PIP4K2A: variants seen among roughly 807,000 people sequenced by gnomAD.
PIP4K2A encodes phosphatidylinositol-5-phosphate 4-kinase type 2 alpha, also known as phosphatidylinositol 5-phosphate 4-kinase type-2 alpha.
Under a neutral mutation model 42.9 loss-of-function variants are expected in PIP4K2A, and 14 were observed. The ratio of observed to expected loss-of-function variants is 0.33; its 90% CI spans 0.22 to 0.51. The LOEUF (loss-of-function observed/expected upper bound fraction) is 0.51. PIP4K2A is among the 20% of genes least tolerant of loss of function. The pLI is 0.97. For missense variants in PIP4K2A, 434 were observed against 519.8 expected (o/e 0.83, Z 1.61); for synonymous variants, 192 against 192.2 (o/e 1.00, Z 0.01).
Position 22,540,620 on chromosome 10 carries a change from C to T in PIP4K2A, c.1037-546G>A, listed in dbSNP as rs145873661. Among the ~76,000 whole-genome samples, 664 of 152,196 alleles carry T rather than the reference C, an allele frequency of 4.4e-3. 13 individuals are homozygous for T. The East Asian group carries it at 0.058, about 13-fold the overall frequency. On this transcript the variant is annotated intron_variant, in intron 8 of 9. Transcript: ENST00000376573. ...TTGCCCAGGCTGGAGTGCAATGGTG[C>T]GATCTTGGCTCACAGCAACCTCCAC...
intron 1 of PIP4K2A, among the ~76,000 whole-genome samples, 188 bp from the exon 2 acceptor site, chr10:22,609,905 C>T (rs933155282): frequency 3.3e-5 from 5 of 152,056 alleles, no homozygotes; most frequent in Admixed American, 3.3e-4. Context: ...CTTCTTATGT[C>T]TGTCTGATGC....
intron 1 of PIP4K2A, among the ~76,000 whole-genome samples, chr10:22,622,203 G>A (rs776422336): frequency 6.6e-6 from 1 of 152,206 alleles, no homozygotes; most frequent in Non-Finnish European, 1.5e-5. Flanking sequence ...TTAGCAGACA[G>A]AAGAGGAGAC....
chr10:22,562,896 C>T (rs553300429), intron 6 of PIP4K2A, among the ~76,000 whole-genome samples: 8 of 152,196 alleles, frequency 5.3e-5, no homozygotes, highest in Non-Finnish European at 1.0e-4. Context: ...TGCCTCCTCT[C>T]TCTCTAGTCT....
At chr10:22,656,889 T>A (rs770861850) in intron 1 of PIP4K2A, among the ~76,000 whole-genome samples, 1 of 152,124 alleles carries the variant, frequency 6.6e-6, no homozygotes, top group Non-Finnish European at 1.5e-5. Context: ...ATTTTTTTTA[T>A]ACTTGAAGTT....
chr10:22,657,604 A>C (rs1396693091), intron 1 of PIP4K2A, among the ~76,000 whole-genome samples: 1 of 152,244 alleles, frequency 6.6e-6, no homozygotes, highest in Non-Finnish European at 1.5e-5. Context: ...ACCAATTTAG[A>C]TTCTACAATG....
intron 1 of PIP4K2A, among the ~76,000 whole-genome samples, chr10:22,631,517 G>C (rs1838547618): frequency 6.6e-6 from 1 of 152,102 alleles, no homozygotes; most frequent in Admixed American, 6.6e-5. Context: ...GAACTTTCCA[G>C]CTTCCAGAAC....
At position 22,536,395 on chromosome 10, in the gene PIP4K2A, T is replaced by C. The variant is rs2130727758; in HGVS notation, c.*806A>G. On this transcript the variant is annotated 3_prime_UTR_variant, in exon 10 of 10. Coordinates refer to ENST00000376573, the MANE Select transcript of PIP4K2A (RefSeq NM_005028.5). ...AGAAAAGAGAAGTAAGCAGTTTTCC[T>C]GGACATATTGGCCGAGGTGAAAAAT... 3.1e-6 allele frequency: 1 copy of C among 321,164 alleles called. No homozygotes were observed. Among genetic ancestry groups the C allele is most frequent in the Non-Finnish European group, 5.6e-6 (1 of 177,256 alleles). 19.9% of individuals were successfully genotyped at this position (321,164 alleles called of 1,614,324 possible).
intron 5 of PIP4K2A, among the ~76,000 whole-genome samples, chr10:22,571,788 A>C (rs1836993938): frequency 6.6e-6 from 1 of 152,230 alleles, no homozygotes; most frequent in South Asian, 2.1e-4. Context: ...TTATTGTGTG[A>C]GTTCAGATTT....
rs557466526 is a variant in PIP4K2A, at chr10:22,674,673, G to C, written c.144+39510C>G. ...TAAGAAATTTCCAGCCAGGCACAGT[G>C]ATTCATGCCTGTAATCCCAGCACTT... On this transcript the variant is annotated intron_variant, in intron 1 of 9. Coordinates refer to ENST00000376573, the MANE Select transcript of PIP4K2A (RefSeq NM_005028.5). Among the ~76,000 whole-genome samples, 5 of 152,160 alleles carry C rather than the reference G, an allele frequency of 3.3e-5. No homozygotes were observed. The South Asian group carries it at 1.0e-3, about 32-fold the overall frequency.
chr10:22,580,245 AT>A (rs199848882), intron 4 of PIP4K2A, among the ~76,000 whole-genome samples: 1,937 of 152,172 alleles, frequency 0.013, 36 homozygotes, highest in Middle Eastern at 0.065. Flanking sequence ...ACCAAAAAAA[AT>A]ATTTCTATCT....
Position 22,552,937 on chromosome 10 carries a change from C to T in PIP4K2A, c.679-2165G>A, listed in dbSNP as rs948047581. On this transcript the variant is annotated intron_variant, in intron 6 of 9. Transcript: ENST00000376573. ...CCTGAAGGCAGAGATGACAGACCCC[C>T]GACAAGGCAGTAAATTACATGCTGG... Among the ~76,000 whole-genome samples, 5 of 151,976 alleles carry T rather than the reference C, an allele frequency of 3.3e-5. No homozygotes were observed. The South Asian group carries it at 8.3e-4, about 25-fold the overall frequency.
intron 1 of PIP4K2A, among the ~76,000 whole-genome samples, chr10:22,631,915 G>C (rs908709749): frequency 6.6e-6 from 1 of 152,224 alleles, no homozygotes; most frequent in Non-Finnish European, 1.5e-5. Context: ...GTAACCAACT[G>C]ACCAGAGTCA....
At chr10:22,562,214 C>T (rs769480830) in intron 6 of PIP4K2A, among the ~76,000 whole-genome samples, 5 of 139,738 alleles carry the variant, frequency 3.6e-5, no homozygotes, top group Non-Finnish European at 6.1e-5. Flanking sequence ...AAAGCAAAGA[C>T]TTTTTTTAAA....
intron 7 of PIP4K2A, among the ~76,000 whole-genome samples, chr10:22,546,282 G>A (rs1239411547): frequency 2.0e-5 from 3 of 152,150 alleles, no homozygotes; most frequent in Non-Finnish European, 4.4e-5. Context: ...TTTGTAACTG[G>A]CAATGTTTTG....
chr10:22,536,429 A>G lies in PIP4K2A; in HGVS notation c.*772T>C, dbSNP rs1321964235. 2 of 252,316 alleles carry G rather than the reference A, an allele frequency of 7.9e-6. No homozygotes were observed. The highest frequency in any genetic ancestry group is 4.4e-5 in the African/African-American group (2 of 45,478). 15.6% of individuals were successfully genotyped at this position (252,316 alleles called of 1,614,324 possible). ...TGGCCGAGGTGAAAAATGTATAGAG[A>G]ATCACTGGGGCATCAGCTGCTTGTT... is the stretch of plus-strand genomic sequence containing the variant. On this transcript the variant is annotated 3_prime_UTR_variant, in exon 10 of 10. Transcript: ENST00000376573.
At chr10:22,635,968 G>A (rs1838653819) in intron 1 of PIP4K2A, among the ~76,000 whole-genome samples, 1 of 152,226 alleles carries the variant, frequency 6.6e-6, no homozygotes. Flanking sequence ...TGTTTAACAT[G>A]CAGCCACAAA....
At chr10:22,613,878 A>G (rs142551758) in intron 1 of PIP4K2A, among the ~76,000 whole-genome samples, 1 of 152,178 alleles carries the variant, frequency 6.6e-6, no homozygotes, top group African/African-American at 2.4e-5. Context: ...GAGTTCCAGG[A>G]CCATCACTTG....
At chr10:22,606,919 T>G (rs1837918948) in intron 3 of PIP4K2A, among the ~76,000 whole-genome samples, 1 of 152,242 alleles carries the variant, frequency 6.6e-6, no homozygotes, top group Non-Finnish European at 1.5e-5. Context: ...GACCCAAGTC[T>G]AAACACGAAA....
chr10:22,549,345 CTTTTTCTTTTTT>C (rs1836339575), intron 7 of PIP4K2A, among the ~76,000 whole-genome samples: 1 of 149,960 alleles, frequency 6.7e-6, no homozygotes, highest in Admixed American at 6.6e-5. Flanking sequence ...TCGTCATTTT[CTTTTTCTTTTTT>C]TTTTTTTGGT....
Sources: gnomAD v4.1 joint callset for allele counts (sites outside exome capture counted in the v4.1 genomes callset) on GRCh38, gnomAD v4.1.1 for gene constraint, MANE v1.5 for transcripts, NCBI Gene and HGNC (gene_info 2026-07-23, HGNC 2026-07-21) for gene names.